The following SKA2 variants were observed in gnomAD, a reference collection of about 807,000 sequenced individuals.
SKA2 encodes spindle and kinetochore-associated protein 2.
SKA2 carries 13 observed loss-of-function variants against 16.9 expected under a neutral mutation model. The observed-to-expected ratio is 0.77, with a 90% confidence interval of 0.50 to 1.22. The LOEUF (loss-of-function observed/expected upper bound fraction) is 1.22. SKA2 is among the 50% of genes most tolerant of loss of function. The pLI is 0.00. For missense variants in SKA2, 107 were observed against 139.7 expected (o/e 0.77, Z 1.18); for synonymous variants, 47 against 48.5 (o/e 0.97, Z 0.13).
intron 2 of SKA2, among the ~76,000 whole-genome samples, chr17:59,120,993 A>C (rs2046328897): frequency 6.6e-6 from 1 of 151,900 alleles, no homozygotes; most frequent in South Asian, 2.1e-4. Flanking sequence ...TCTACGAAAA[A>C]TACAAAAAAT....
At chr17:59,141,118 G>T (rs902270879) in intron 1 of SKA2, among the ~76,000 whole-genome samples, 12 of 151,992 alleles carry the variant, frequency 7.9e-5, no homozygotes, top group Non-Finnish European at 1.8e-4. Context: ...ATGTAATTCG[G>T]CTGGGCACAG....
intron 1 of SKA2, among the ~76,000 whole-genome samples, chr17:59,149,636 G>T (rs1178301263): frequency 6.6e-6 from 1 of 152,124 alleles, no homozygotes; most frequent in Non-Finnish European, 1.5e-5. Context: ...TATGCAAAAC[G>T]TGGAAATGAC....
At chr17:59,139,036 T>A (rs1021379873) in intron 1 of SKA2, among the ~76,000 whole-genome samples, 2 of 152,090 alleles carry the variant, frequency 1.3e-5, no homozygotes, top group African/African-American at 4.8e-5. Context: ...CAGTCTCACC[T>A]ATGGTGGGCT....
intron 1 of SKA2, among the ~76,000 whole-genome samples, chr17:59,144,425 A>G (rs1435887966): frequency 2.0e-5 from 3 of 152,200 alleles, no homozygotes; most frequent in Non-Finnish European, 4.4e-5. Flanking sequence ...CACCTAAAAC[A>G]ACTAAAAACA....
At chr17:59,150,909 G>A (rs2046572299) in intron 1 of SKA2, among the ~76,000 whole-genome samples, 1 of 151,838 alleles carries the variant, frequency 6.6e-6, no homozygotes, top group South Asian at 2.1e-4. Flanking sequence ...TACTCATTTA[G>A]ACAAACCATA....
intron 1 of SKA2, among the ~76,000 whole-genome samples, chr17:59,145,603 C>T (rs934013651): frequency 3.3e-5 from 5 of 152,012 alleles, no homozygotes; most frequent in African/African-American, 1.2e-4. Context: ...TATATGTGTA[C>T]TTAATCACAG....
chr17:59,135,176 C>T (rs2046435900), intron 1 of SKA2, among the ~76,000 whole-genome samples: 1 of 151,902 alleles, frequency 6.6e-6, no homozygotes, highest in South Asian at 2.1e-4. Flanking sequence ...CCTGCAATAC[C>T]TAGGGGCCCA....
chr17:59,147,536 AT>A (rs1338439562), intron 1 of SKA2, among the ~76,000 whole-genome samples: 1 of 151,654 alleles, frequency 6.6e-6, no homozygotes, highest in Non-Finnish European at 1.5e-5. Context: ...TTTCCCAACT[AT>A]TTTTAAAGGA....
intron 2 of SKA2, among the ~76,000 whole-genome samples, chr17:59,121,472 T>G (rs1486620819): frequency 6.6e-6 from 1 of 151,138 alleles, no homozygotes; most frequent in Non-Finnish European, 1.5e-5. Flanking sequence ...CTGGCCAACA[T>G]AGCGAAACCC....
Position 59,154,893 on chromosome 17 carries a change from G to A in SKA2, c.33+238C>T, listed in dbSNP as rs1250447481. On this transcript the variant is annotated intron_variant, in intron 1 of 3. Coordinates refer to ENST00000330137, the MANE Select transcript of SKA2 (RefSeq NM_182620.4). ...AGGGCAAGGAACAAGGAATTCCAAA[G>A]GCCCCGCACCCTCAGCATCTCCCGC... 3 of 1,567,324 alleles carry A rather than the reference G, an allele frequency of 1.9e-6. No individual in the cohort carries two copies. In the African/African-American group the frequency reaches 4.1e-5, roughly 21 times the overall value.
intron 1 of SKA2, among the ~76,000 whole-genome samples, chr17:59,144,750 G>A (rs2046518967): frequency 6.6e-6 from 1 of 152,172 alleles, no homozygotes; most frequent in African/African-American, 2.4e-5. Flanking sequence ...TAGAATGGTA[G>A]TTGCTAGACG....
Position 59,155,178 on chromosome 17 carries a change from A to C in SKA2, c.-15T>G, listed in dbSNP as rs771233708. 26 of 1,613,832 alleles carry C rather than the reference A, an allele frequency of 1.6e-5. No individual in the cohort carries two copies. The South Asian group carries it at 2.1e-4, about 13-fold the overall frequency. ...TCCGCCTCCATGTTGAATAGTTGACATTCCGCAGACCGCGGCGGCGCTTAA... is the reference window on the plus strand; with the variant it reads ...TCCGCCTCCATGTTGAATAGTTGACCTTCCGCAGACCGCGGCGGCGCTTAA... On this transcript the variant is annotated 5_prime_UTR_variant, in exon 1 of 4. The change abolishes an upstream ATG in the 5' untranslated region. Transcript: ENST00000330137.
chr17:59,149,656 A>AAT (rs2046561892), intron 1 of SKA2, among the ~76,000 whole-genome samples: 1 of 152,232 alleles, frequency 6.6e-6, no homozygotes, highest in South Asian at 2.1e-4. Flanking sequence ...CCCGATGTCT[A>AAT]TAAGTTGGTG....
intron 2 of SKA2, among the ~76,000 whole-genome samples, chr17:59,120,512 T>G (rs974279004): frequency 6.6e-6 from 1 of 152,160 alleles, no homozygotes; most frequent in African/African-American, 2.4e-5. Context: ...CCTCCCAAAG[T>G]GCTAGAATTA....
intron 1 of SKA2, among the ~76,000 whole-genome samples, chr17:59,152,520 GA>G (rs1323471735): frequency 2.0e-5 from 3 of 151,992 alleles, no homozygotes; most frequent in African/African-American, 7.2e-5. Context: ...TTACAAACAA[GA>G]AAAATATTTA....
At chr17:59,119,174 A>G (rs2147795830) in intron 3 of SKA2, 145 bp downstream of exon 3, 1 of 768,012 alleles carries the variant, frequency 1.3e-6, no homozygotes, top group East Asian at 2.7e-5. Flanking sequence ...AATAAGAGCT[A>G]TTATACTTCA....
At position 59,125,034 on chromosome 17, in the gene SKA2, C is replaced by T. The variant is rs1327584708; in HGVS notation, c.121-5539G>A. ...TGTTTCCCAGGCTGGAGTGCAATGGCGGGATCTCAGCTCACCGCAACTTTC... is the reference window on the plus strand; with the variant it reads ...TGTTTCCCAGGCTGGAGTGCAATGGTGGGATCTCAGCTCACCGCAACTTTC... On this transcript the variant is annotated intron_variant, in intron 2 of 3. Coordinates refer to ENST00000330137, the MANE Select transcript of SKA2 (RefSeq NM_182620.4). Among the ~76,000 whole-genome samples the T allele has an allele frequency of 2.0e-5, 3 of 148,378 alleles. 1 individual carries two copies. The South Asian group carries it at 6.4e-4, about 31-fold the overall frequency.
rs2046266212 is a variant in SKA2 at position 59,111,959 on chromosome 17, G to C, written c.*318C>G. 8.1e-6 allele frequency: 2 copies of C among 248,354 alleles called. No homozygotes were observed. The highest frequency in any genetic ancestry group is 2.3e-5 in the African/African-American group (1 of 44,222). The allele number at this position is 248,354 out of a possible 1,614,324, so 15.4% of individuals were successfully genotyped here. A position where few individuals can be genotyped will look rare whatever the true frequency, so the allele number is the denominator to read the frequency against. On this transcript the variant is annotated 3_prime_UTR_variant, in exon 4 of 4. Transcript: ENST00000330137. ...AGAACATCTATATTATCATGACTTA[G>C]AAAAAGAAAACAGATGCAAAATAGT...
intron 3 of SKA2, among the ~76,000 whole-genome samples, chr17:59,118,754 ATAT>A (rs766956371): frequency 2.0e-4 from 31 of 152,098 alleles, no homozygotes; most frequent in Non-Finnish European, 2.8e-4. Flanking sequence ...TTCTAAGCAG[ATAT>A]TATTCTATTT....
Sources: allele counts gnomAD v4.1 joint callset (sites outside exome capture counted in the v4.1 genomes callset), GRCh38; gene constraint gnomAD v4.1.1; transcripts MANE v1.5; gene names NCBI Gene and HGNC (gene_info 2026-07-23, HGNC 2026-07-21).